DET1: variants seen among roughly 807,000 people sequenced by gnomAD.
The protein encoded by DET1 is DET1 homolog.
A neutral mutation model predicts 43.7 loss-of-function variants in DET1; 22 were observed. The observed-to-expected ratio is 0.50, with a 90% CI of 0.36 to 0.72. The LOEUF (loss-of-function observed/expected upper bound fraction) is 0.72, where lower values mean the gene tolerates loss of function less well. Among genes scored for constraint, DET1 ranks in the 30% least tolerant of loss-of-function variants. DET1 has a pLI of 0.00. For missense variants in DET1, 713 were observed against 713.3 expected (o/e 1.00, Z 0.00); for synonymous variants, 315 against 266.2 (o/e 1.18, Z -1.79).
intron 1 of DET1, among the ~76,000 whole-genome samples, chr15:88,543,220 G>T (rs1286109409): frequency 1.3e-5 from 2 of 152,156 alleles, no homozygotes; most frequent in African/African-American, 2.4e-5. Context: ...ACACCCAATG[G>T]CTTATTTATC....
At chr15:88,528,821 CCTT>C (rs1455645211) in intron 2 of DET1, among the ~76,000 whole-genome samples, 2 of 152,304 alleles carry the variant, frequency 1.3e-5, no homozygotes, top group African/African-American at 4.8e-5. Context: ...AGTAATTAGT[CCTT>C]CTCAGAGCTT....
downstream of DET1, among the ~76,000 whole-genome samples, chr15:88,510,909 G>A (rs2142248635): frequency 6.6e-6 from 1 of 152,058 alleles, no homozygotes; most frequent in African/African-American, 2.4e-5. Flanking sequence ...AAGTAGCTGG[G>A]ACTACTGGCG....
chr15:88,517,373 G>C (rs916106122), intron 3 of DET1, among the ~76,000 whole-genome samples: 1 of 151,782 alleles, frequency 6.6e-6, no homozygotes, highest in Non-Finnish European at 1.5e-5. Context: ...CTACAGGCAC[G>C]TGCCACCACA....
At chr15:88,532,425 A>G (rs2056840054) in intron 1 of DET1, among the ~76,000 whole-genome samples, 1 of 152,226 alleles carries the variant, frequency 6.6e-6, no homozygotes, top group Non-Finnish European at 1.5e-5. Context: ...CCCTATCAAA[A>G]TCCTAATAGC....
At chr15:88,509,929 A>G (rs114413358), downstream of DET1, among the ~76,000 whole-genome samples, 3,385 of 152,326 alleles carry the variant, frequency 0.022, 97 homozygotes, top group African/African-American at 0.077. Context: ...AAGATGGAAG[A>G]CACTTGGGTC....
intron 3 of DET1, among the ~76,000 whole-genome samples, chr15:88,522,248 T>G (rs151077218): frequency 1.3e-5 from 2 of 152,210 alleles, no homozygotes. Context: ...GCTCCAGAAC[T>G]GGATGGTCCT....
At chr15:88,540,057 G>C (rs577525736) in intron 1 of DET1, among the ~76,000 whole-genome samples, 2 of 151,244 alleles carry the variant, frequency 1.3e-5, no homozygotes, top group African/African-American at 4.9e-5. Flanking sequence ...TTTCCCCCTC[G>C]TCCCTGCCCC....
Position 88,528,392 on chromosome 15 carries a change from AC to A in DET1, c.1084-607del, listed in dbSNP as rs200393886. Among the ~76,000 whole-genome samples, 825 of 152,374 alleles carry A rather than the reference AC, an allele frequency of 5.4e-3. 10 individuals are homozygous for A. Among genetic ancestry groups the A allele is most frequent in the African/African-American group, 0.019 (782 of 41,592 alleles). On this transcript the variant is annotated intron_variant, in intron 2 of 4. Transcript: ENST00000268148. The stretch of plus-strand genomic sequence containing the variant: ...TCTAAACTGCCCTGGCAAGTTGTAT[AC>A]AAGCAGGGTACTGCTGAACAAATGA...
At chr15:88,538,966 G>A (rs2057023187) in intron 1 of DET1, among the ~76,000 whole-genome samples, 1 of 152,118 alleles carries the variant, frequency 6.6e-6, no homozygotes, top group Admixed American at 6.5e-5. Flanking sequence ...ACTGGGTTGA[G>A]CCTTGGTTTT....
At chr15:88,524,531 G>A (rs532243977) in intron 3 of DET1, among the ~76,000 whole-genome samples, 2 of 152,222 alleles carry the variant, frequency 1.3e-5, no homozygotes, top group South Asian at 2.1e-4. Context: ...GGGGAAATGT[G>A]GGGAAAAGAA....
chr15:88,527,625 G>T lies in DET1; in HGVS notation c.1245C>A (p.Asn415Lys). 1.2e-6 allele frequency: 2 copies of T among 1,608,900 alleles called. No individual in the cohort carries two copies. Among genetic ancestry groups the T allele is most frequent in the Non-Finnish European group, 1.7e-6 (2 of 1,177,316 alleles). The change falls in exon 3 of 5, where the codon AAC becomes AAA. Residue 415 changes from asparagine to lysine, a missense_variant. Coordinates refer to ENST00000268148, the MANE Select transcript of DET1 (RefSeq NM_001144074.3). ...EVQFPCSASS[N>K]NFARQIQRRF... Reference sequence around the variant, plus strand: ...GGCGCTGGATCTGCCTTGCAAAATTGTTGCTAGAAGCTGAGCAGGGAAACT... The same window carrying T: ...GGCGCTGGATCTGCCTTGCAAAATTTTTGCTAGAAGCTGAGCAGGGAAACT...
At chr15:88,529,910 C>T (rs964474499) in intron 2 of DET1, among the ~76,000 whole-genome samples, 2 of 152,166 alleles carry the variant, frequency 1.3e-5, no homozygotes, top group African/African-American at 4.8e-5. Flanking sequence ...CACCTTATTC[C>T]CTTTTGGGAA....
At chr15:88,512,111 C>A (rs922631972), downstream of DET1, among the ~76,000 whole-genome samples, 1 of 152,208 alleles carries the variant, frequency 6.6e-6, no homozygotes, top group Admixed American at 6.5e-5. Flanking sequence ...GGGACACCTG[C>A]GGCTTGCCAG....
At chr15:88,530,494 G>A (rs1055015153) in intron 2 of DET1, 129 bp downstream of exon 2, 1 of 1,432,302 alleles carries the variant, frequency 7.0e-7, no homozygotes, top group Non-Finnish European at 9.2e-7. Context: ...TTTTAAGTTT[G>A]GGCCCTAGGA....
rs114105035 is a variant in DET1, at chr15:88,513,763, C to A, written c.1464-623G>T. ...TTGGACAGTGTGGATCTAGGCTCAC[C>A]TTTGAGTTTTTCATATTTAAGAATA... On this transcript the variant is annotated intron_variant, in intron 4 of 4. Transcript: ENST00000268148. Among the ~76,000 whole-genome samples, 789 of 137,032 alleles carry A rather than the reference C, an allele frequency of 5.8e-3. 12 individuals are homozygous for A. The highest frequency in any genetic ancestry group is 0.02 in the African/African-American group (753 of 36,904). 89.9% of individuals were successfully genotyped at this position (137,032 alleles called of 152,430 possible).
chr15:88,510,522 G>C (rs979197947), downstream of DET1, among the ~76,000 whole-genome samples: 1 of 152,030 alleles, frequency 6.6e-6, no homozygotes, highest in African/African-American at 2.4e-5. Flanking sequence ...CTGGGTAATG[G>C]GTAGTACACT....
chr15:88,538,722 T>C (rs2057016278), intron 1 of DET1, among the ~76,000 whole-genome samples: 1 of 152,106 alleles, frequency 6.6e-6, no homozygotes, highest in Non-Finnish European at 1.5e-5. Context: ...GACGGCCGGC[T>C]CAGAGGGGGT....
At position 88,512,983 on chromosome 15, in the gene DET1, C is replaced by T; in HGVS notation, c.1621G>A (p.Val541Ile). ...SVQRTNAEYV[V>I]NFHMRHCCT Reference sequence around the variant, plus strand: ...CAGCAGTGTCGCATATGGAAGTTGACAACATACTCAGCATTAGTCCTCTGC... The same window carrying T: ...CAGCAGTGTCGCATATGGAAGTTGATAACATACTCAGCATTAGTCCTCTGC... The change falls in exon 5 of 5, where the codon GTC (valine) becomes ATC (isoleucine). Residue 541 changes from valine to isoleucine, a missense_variant. Transcript: ENST00000268148. 1.2e-6 allele frequency: 2 copies of T among 1,614,014 alleles called. No homozygotes were observed. The highest frequency in any genetic ancestry group is 1.7e-6 in the Non-Finnish European group (2 of 1,179,876).
At chr15:88,510,729 C>G (rs959088311), downstream of DET1, among the ~76,000 whole-genome samples, 1 of 151,322 alleles carries the variant, frequency 6.6e-6, no homozygotes, top group Non-Finnish European at 1.5e-5. Context: ...TGAGAAGCAA[C>G]TGTATTGTTT....
Sources: allele counts gnomAD v4.1 joint callset (sites outside exome capture counted in the v4.1 genomes callset), GRCh38; gene constraint gnomAD v4.1.1; transcripts MANE v1.5; gene names NCBI Gene and HGNC (gene_info 2026-07-23, HGNC 2026-07-21).